Variants in CCDC191 observed in about 807,000 individuals in gnomAD.
CCDC191 encodes coiled-coil domain-containing protein 191.
A neutral mutation model predicts 114.0 loss-of-function variants in CCDC191; 99 were observed. The observed-to-expected ratio is 0.87, with a 90% CI of 0.74 to 1.03. The LOEUF (loss-of-function observed/expected upper bound fraction) is 1.03, where lower values mean the gene tolerates loss of function less well. Among genes scored for constraint, CCDC191 ranks in the 50% least tolerant of loss-of-function variants. The pLI, the probability that CCDC191 is intolerant of heterozygous loss-of-function variation, is 0.00. For synonymous variants in CCDC191, 351 were observed against 376.0 expected, an observed-to-expected ratio of 0.93 and a Z score of 0.77; for missense variants, 973 against 1,087.0, an observed-to-expected ratio of 0.90 and a Z score of 1.47.
intron 7 of CCDC191, among the ~76,000 whole-genome samples, chr3:114,019,855 T>G (rs1208171741): frequency 1.3e-5 from 2 of 152,160 alleles, no homozygotes; most frequent in Admixed American, 1.3e-4. Flanking sequence ...CAAATGTAAC[T>G]GCCCATCCAC....
At chr3:114,025,542 T>C (rs750379718) in intron 7 of CCDC191, among the ~76,000 whole-genome samples, 4 of 152,226 alleles carry the variant, frequency 2.6e-5, no homozygotes, top group Non-Finnish European at 5.9e-5. Flanking sequence ...TATCTAATAG[T>C]TACATTGTTT....
At position 114,010,937 on chromosome 3, in the gene CCDC191, C is replaced by T. The variant is rs2076059058; in HGVS notation, c.1248G>A (p.Glu416=). The stretch of plus-strand genomic sequence containing the variant: ...TGAGAGCCAGCTCTCTCTTCAGGAG[C>T]TCGGCGCCATGCCAATGCTGCCATT... ...FTEWQHWHGA[E]LLKRELALTK... is the part of the protein sequence containing the mutation. Residue 416 remains glutamate, a synonymous_variant, in exon 9 of 17, where the codon GAG becomes GAA. Transcript: ENST00000295878. 1 of 1,613,890 alleles carries T rather than the reference C, an allele frequency of 6.2e-7. No individual in the cohort carries two copies. The highest frequency in any genetic ancestry group is 1.3e-5 in the African/African-American group (1 of 74,938).
chr3:114,051,433 A>G (rs919749672), intron 2 of CCDC191, among the ~76,000 whole-genome samples: 1 of 152,182 alleles, frequency 6.6e-6, no homozygotes, highest in Admixed American at 6.5e-5. Context: ...TTTTAGTACC[A>G]TAAAATATTA....
chr3:113,991,219 C>T (rs899431299), intron 13 of CCDC191, among the ~76,000 whole-genome samples: 4 of 136,306 alleles, frequency 2.9e-5, no homozygotes, highest in Non-Finnish European at 6.2e-5. Flanking sequence ...CTGGGCAACA[C>T]AGTGAGACTC....
intron 9 of CCDC191, among the ~76,000 whole-genome samples, chr3:114,010,551 GAT>G (rs1329445351): frequency 6.6e-6 from 1 of 152,080 alleles, no homozygotes; most frequent in Non-Finnish European, 1.5e-5. Flanking sequence ...ATGCCCTTTC[GAT>G]ATTAAATCCC....
chr3:114,044,418 CATT>C (rs1252207891), intron 3 of CCDC191, among the ~76,000 whole-genome samples: 2 of 152,196 alleles, frequency 1.3e-5, no homozygotes, highest in Non-Finnish European at 2.9e-5. Context: ...TAGCTTTCAT[CATT>C]GTTATTACTA....
rs945654516 is a variant in CCDC191, at chr3:114,004,856, CTGAGA to C, written c.1869-115_1869-111del. Reference sequence around the variant, plus strand: ...ACAGACCTTAATGAATCCCTACTCTCTGAGATAACTACATATTATATCCACTCCAT... The same window carrying C: ...ACAGACCTTAATGAATCCCTACTCTCTAACTACATATTATATCCACTCCAT... On this transcript the variant is annotated intron_variant, in intron 10 of 16. Transcript: ENST00000295878. The C allele has an allele frequency of 3.5e-6, 4 of 1,132,218 alleles. No individual in the cohort carries two copies. The African/African-American group carries it at 6.3e-5, about 18-fold the overall frequency. 70.1% of individuals were successfully genotyped at this position (1,132,218 alleles called of 1,614,324 possible).
chr3:114,043,371 T>C (rs1451315608), intron 3 of CCDC191, among the ~76,000 whole-genome samples: 1 of 152,132 alleles, frequency 6.6e-6, no homozygotes, highest in African/African-American at 2.4e-5. Context: ...TTTAGGGCAA[T>C]GATTATCAAC....
At chr3:114,026,896 A>ATTTT (rs2076328679) in intron 7 of CCDC191, among the ~76,000 whole-genome samples, 1 of 152,166 alleles carries the variant, frequency 6.6e-6, no homozygotes, top group Non-Finnish European at 1.5e-5. Context: ...TGTCACCCAT[A>ATTTT]TTTTATCTTT....
At chr3:114,006,619 A>ATATATATATATATATATATATATAAAT (rs1559903359) in intron 9 of CCDC191, among the ~76,000 whole-genome samples, 4 of 92,544 alleles carry the variant, frequency 4.3e-5, no homozygotes, top group African/African-American at 1.7e-4. Context: ...TATATATATA[A>ATATATATATATATATATATATATAAAT]ATATATATAT....
intron 15 of CCDC191, 48 bp downstream of exon 15, chr3:113,978,810 G>T (rs773608190): frequency 3.8e-6 from 6 of 1,570,468 alleles, no homozygotes; most frequent in Admixed American, 1.9e-5. Flanking sequence ...TTCTTAAATA[G>T]AATTGAGCAA....
At chr3:114,024,616 C>T (rs188256133) in intron 7 of CCDC191, among the ~76,000 whole-genome samples, 13 of 151,994 alleles carry the variant, frequency 8.6e-5, no homozygotes, top group South Asian at 6.2e-4. Flanking sequence ...AACCAAACAC[C>T]GCATGTTCTC....
intron 16 of CCDC191, among the ~76,000 whole-genome samples, chr3:113,976,191 G>A (rs1941324442): frequency 6.6e-6 from 1 of 151,954 alleles, no homozygotes; most frequent in Non-Finnish European, 1.5e-5. Flanking sequence ...CCCAGGAGGC[G>A]GAGGTTGCAG....
At chr3:114,033,377 A>T (rs2076436620) in intron 6 of CCDC191, among the ~76,000 whole-genome samples, 1 of 152,182 alleles carries the variant, frequency 6.6e-6, no homozygotes, top group South Asian at 2.1e-4. Context: ...ATGTTGTTTA[A>T]ATTATCTTTC....
At chr3:113,970,423 G>C (rs113047610) in intron 16 of CCDC191, among the ~76,000 whole-genome samples, 11 of 152,136 alleles carry the variant, frequency 7.2e-5, no homozygotes, top group African/African-American at 2.7e-4. Flanking sequence ...GCCTCCCAAA[G>C]CCCTGGGATT....
chr3:114,035,242 C>A, intron 5 of CCDC191, 94 bp from the exon 6 acceptor site: 1 of 876,048 alleles, frequency 1.1e-6, no homozygotes, highest in South Asian at 1.6e-5. Context: ...AGAATACAAC[C>A]AGTTTGAAAT....
chr3:113,994,580 C>CTT (rs35624147), intron 13 of CCDC191, among the ~76,000 whole-genome samples: 10 of 128,900 alleles, frequency 7.8e-5, no homozygotes, highest in Non-Finnish European at 1.1e-4. Context: ...AAACTAAATT[C>CTT]TTTTTTTTTT....
In CCDC191 at chr3:114,025,288, T is replaced by C. The variant is rs551182513; in HGVS notation, c.972+6338A>G. ...AAAAAAAAAAACAAAACCCAAACCCTATCACTGTTCTAAAAGCAGAAACAA... is the reference window on the plus strand; with the variant it reads ...AAAAAAAAAAACAAAACCCAAACCCCATCACTGTTCTAAAAGCAGAAACAA... On this transcript the variant is annotated intron_variant, in intron 7 of 16. Transcript: ENST00000295878. Among the ~76,000 whole-genome samples, 3 of 150,388 alleles carry C rather than the reference T, an allele frequency of 2.0e-5. No individual in the cohort carries two copies. The South Asian group carries it at 6.3e-4, about 32-fold the overall frequency.
chr3:113,982,518 CA>C (rs1476085807), intron 13 of CCDC191, among the ~76,000 whole-genome samples: 1 of 151,970 alleles, frequency 6.6e-6, no homozygotes, highest in Non-Finnish European at 1.5e-5. Context: ...CTAGGGGTTT[CA>C]TAGAACACAG....
Sources: allele counts gnomAD v4.1 joint callset (sites outside exome capture counted in the v4.1 genomes callset), GRCh38; gene constraint gnomAD v4.1.1; transcripts MANE v1.5; gene names NCBI Gene and HGNC (gene_info 2026-07-23, HGNC 2026-07-21).